The following BLTP1 variants were observed in gnomAD, a reference collection of about 807,000 sequenced individuals.
BLTP1 encodes fragile site-associated protein.
At chr4:122,212,101 A>G in the BLTP1 span, 1 of 982,270 alleles carries the variant, frequency 1.0e-6, no homozygotes, top group African/African-American at 1.7e-5. Context: ...TTAGGGTTGG[A>G]CAGGGAAGCA....
At chr4:122,356,790 G>A in the BLTP1 span, 5 of 1,591,952 alleles carry the variant, frequency 3.1e-6, no homozygotes, top group Non-Finnish European at 3.4e-6. Context: ...TAGGCTGCAA[G>A]AATGGCAGCT....
the BLTP1 span, among the ~76,000 whole-genome samples, chr4:122,216,081 GTCTGTCTA>G: frequency 5.1e-5 from 7 of 136,476 alleles, no homozygotes; most frequent in Non-Finnish European, 7.9e-5. Context: ...ATCTATCTTT[GTCTGTCTA>G]TCTATCTATC....
the BLTP1 span, chr4:122,209,617 C>A: frequency 5.3e-6 from 2 of 377,962 alleles, no homozygotes; most frequent in South Asian, 1.1e-4. Context: ...TGCACTCCAG[C>A]TTGGGCAACA....
At chr4:122,197,588 T>G in the BLTP1 span, 1 of 320,818 alleles carries the variant, frequency 3.1e-6, no homozygotes, top group Non-Finnish European at 4.4e-6. Context: ...GCAGGTGCTG[T>G]TTTTTTTCTT....
the BLTP1 span, among the ~76,000 whole-genome samples, chr4:122,352,150 A>C: frequency 1.3e-5 from 2 of 152,252 alleles, no homozygotes; most frequent in African/African-American, 4.8e-5. Context: ...AGCAGTACTT[A>C]AAATAAGGGG....
At chr4:122,169,859 C>T in the BLTP1 span, 2 of 985,118 alleles carry the variant, frequency 2.0e-6, no homozygotes, top group South Asian at 4.7e-5. Context: ...ATTGTTTCCC[C>T]ATGGAATAAT....
the BLTP1 span, chr4:122,245,047 T>G: frequency 6.2e-7 from 1 of 1,611,812 alleles, no homozygotes; most frequent in Non-Finnish European, 8.5e-7. Context: ...TTCATTGTGC[T>G]AGTACCCGAC....
the BLTP1 span, chr4:122,355,848 T>C: frequency 1.2e-6 from 2 of 1,612,568 alleles, no homozygotes; most frequent in Non-Finnish European, 1.7e-6. Context: ...ATAGCACTAC[T>C]GTGAAGAATT....
At chr4:122,239,455 G>A in the BLTP1 span, 60 of 1,311,196 alleles carry the variant, frequency 4.6e-5, no homozygotes, top group Middle Eastern at 3.9e-4. Context: ...ATTGATATTT[G>A]TTTTTATGCT....
the BLTP1 span, among the ~76,000 whole-genome samples, chr4:122,232,612 A>C: frequency 5.3e-5 from 8 of 152,136 alleles, no homozygotes; most frequent in Non-Finnish European, 8.8e-5. Context: ...GTCTCAAAAA[A>C]AATAAGATAA....
At chr4:122,172,319 T>G in the BLTP1 span, 1 of 721,482 alleles carries the variant, frequency 1.4e-6, no homozygotes, top group Non-Finnish European at 1.7e-6. Context: ...TTGAAAAGGA[T>G]AAGTAAGAGC....
At chr4:122,230,348 T>C in the BLTP1 span, 1 of 690,108 alleles carries the variant, frequency 1.4e-6, no homozygotes, top group East Asian at 2.6e-5. Flanking sequence ...CTGCTGCACC[T>C]CAATGAATAT....
chr4:122,327,877 A>G, the BLTP1 span: 2 of 243,980 alleles, frequency 8.2e-6, no homozygotes, highest in Non-Finnish European at 1.6e-5. Context: ...ATATTAAGTA[A>G]AATTTCATTC....
chr4:122,300,254 C>T, the BLTP1 span, among the ~76,000 whole-genome samples: 5 of 152,116 alleles, frequency 3.3e-5, no homozygotes, highest in Non-Finnish European at 7.4e-5. Flanking sequence ...AGGTCATCCA[C>T]CCATCTTAGC....
chr4:122,158,781 T>A, the BLTP1 span, among the ~76,000 whole-genome samples: 1 of 151,800 alleles, frequency 6.6e-6, no homozygotes, highest in Non-Finnish European at 1.5e-5. Context: ...AAAAAAAAAA[T>A]AGTTTTTGAA....
chr4:122,267,175 C>T, the BLTP1 span, among the ~76,000 whole-genome samples: 1 of 149,208 alleles, frequency 6.7e-6, no homozygotes, highest in Non-Finnish European at 1.5e-5. Flanking sequence ...TCTCCTGCCT[C>T]AGCCTGCCGA....
At chr4:122,173,228 A>G in the BLTP1 span, 2 of 1,465,960 alleles carry the variant, frequency 1.4e-6, no homozygotes, top group Non-Finnish European at 9.4e-7. Context: ...TTGTTGCTAT[A>G]ACTGAATGCC....
chr4:122,290,281 T>C, the BLTP1 span, among the ~76,000 whole-genome samples: 22 of 152,274 alleles, frequency 1.4e-4, no homozygotes, highest in African/African-American at 5.1e-4. Context: ...AATGGTTGAC[T>C]AGAAATCATT....
chr4:122,167,721 T>G, the BLTP1 span: 1 of 985,358 alleles, frequency 1.0e-6, no homozygotes, highest in African/African-American at 1.7e-5. Flanking sequence ...TGCCATTGGA[T>G]ACTTAATTTA....
Sources: allele counts gnomAD v4.1 joint callset (sites outside exome capture counted in the v4.1 genomes callset), GRCh38; gene constraint gnomAD v4.1.1; transcripts MANE v1.5; gene names NCBI Gene and HGNC (gene_info 2026-07-23, HGNC 2026-07-21).